The following JAK2 variants were observed in gnomAD, a reference collection of about 807,000 sequenced individuals.
JAK2 encodes the protein tyrosine-protein kinase JAK2.
Under a neutral mutation model 139.3 loss-of-function variants are expected in JAK2, and 86 were observed. The ratio of observed to expected loss-of-function variants is 0.62; its 90% CI spans 0.52 to 0.74. The LOEUF (loss-of-function observed/expected upper bound fraction) is 0.74. JAK2 is among the 30% of genes least tolerant of loss of function. The pLI is 0.00. For missense variants in JAK2, 1,421 were observed against 1,360.3 expected (o/e 1.04, Z -0.70); for synonymous variants, 490 against 437.7 (o/e 1.12, Z -1.49).
At chr9:5,098,706 T>C (rs1322209266) in intron 22 of JAK2, 1 of 152,046 alleles carries the variant, frequency 6.6e-6, no homozygotes, top group African/African-American at 2.4e-5. Flanking sequence ...CCTTTTTTTT[T>C]TTTTTGAGAC....
intron 20 of JAK2, 34 bp from the exon 21 acceptor site, chr9:5,090,412 G>C: frequency 2.7e-6 from 4 of 1,457,994 alleles, no homozygotes; most frequent in South Asian, 1.5e-5. Flanking sequence ...TAATATGGCA[G>C]AGTAAAACAT....
chr9:5,048,198 A>G (rs538087026), intron 5 of JAK2, among the ~76,000 whole-genome samples: 1 of 151,666 alleles, frequency 6.6e-6, no homozygotes, highest in African/African-American at 2.4e-5. Flanking sequence ...CTGGAGTGCA[A>G]TGGCGTGATC....
intron 5 of JAK2, among the ~76,000 whole-genome samples, chr9:5,046,402 A>G (rs1817012821): frequency 2.0e-5 from 3 of 152,122 alleles, no homozygotes; most frequent in Non-Finnish European, 4.4e-5. Context: ...CAAAAGTTTT[A>G]AATTTGGCTG....
intron 4 of JAK2, among the ~76,000 whole-genome samples, chr9:5,030,288 A>T (rs1823061155): frequency 6.6e-6 from 1 of 152,214 alleles, no homozygotes; most frequent in African/African-American, 2.4e-5. Flanking sequence ...ACTTTTTAAA[A>T]AGTTGACGTG....
chr9:5,105,789 C>T (rs1821905052), intron 22 of JAK2, among the ~76,000 whole-genome samples: 1 of 152,116 alleles, frequency 6.6e-6, no homozygotes, highest in African/African-American at 2.4e-5. Context: ...CTTTGACAAA[C>T]CTGACAAAAA....
intron 4 of JAK2, among the ~76,000 whole-genome samples, chr9:5,035,382 A>T (rs535280180): frequency 6.6e-6 from 1 of 152,356 alleles, no homozygotes; most frequent in African/African-American, 2.4e-5. Context: ...AACTCATTTT[A>T]TGAGGCCAGC....
rs10119726 is a variant in JAK2 at position 5,069,153 on chromosome 9, T to G, written c.1458T>G (p.Val486=). The change falls in exon 11 of 25, where the codon GTT becomes GTG. Residue 486 remains valine, a synonymous_variant. Coordinates refer to ENST00000381652, the MANE Select transcript of JAK2 (RefSeq NM_004972.4). ...DLLNCYQMET[V]RSDNIIFQFT... The stretch of plus-strand genomic sequence containing the variant: ...TGAATTGTTACCAGATGGAAACTGT[T>G]CGCTCAGACAATATAATTTTCCAGT... 4.8e-4 allele frequency: 775 copies of G among 1,613,138 alleles called. 1 individual carries two copies. The African/African-American group carries it at 9.2e-3, about 19-fold the overall frequency.
chr9:5,020,640 C>G (rs1822357094), intron 2 of JAK2, among the ~76,000 whole-genome samples: 1 of 152,120 alleles, frequency 6.6e-6, no homozygotes, highest in Admixed American at 6.5e-5. Context: ...TGCAAATTTG[C>G]ATTTTGACAC....
In JAK2 at chr9:5,094,916, C is replaced by T. The variant is rs112839099; in HGVS notation, c.3059+4005C>T. On this transcript the variant is annotated intron_variant, in intron 22 of 24. Coordinates refer to ENST00000381652, the MANE Select transcript of JAK2 (RefSeq NM_004972.4). Reference sequence around the variant, plus strand: ...CAGCATACCTCCAATTCCACTACAACCAACTCATATACCTTTTATGAAAAA... The same window carrying T: ...CAGCATACCTCCAATTCCACTACAATCAACTCATATACCTTTTATGAAAAA... 358 of 152,256 alleles carry T rather than the reference C, an allele frequency of 2.4e-3. 2 individuals are homozygous for T. Among genetic ancestry groups the T allele is most frequent in the African/African-American group, 8.0e-3 (331 of 41,538 alleles). The allele number at this position is 152,256 out of a possible 1,614,324, so 9.4% of individuals were successfully genotyped here.
intron 5 of JAK2, among the ~76,000 whole-genome samples, chr9:5,048,014 T>G (rs1586700577): frequency 1.3e-5 from 2 of 152,224 alleles, no homozygotes. Flanking sequence ...TTGTAACTTT[T>G]CTCTAGTGAA....
intron 2 of JAK2, among the ~76,000 whole-genome samples, chr9:5,006,398 A>G (rs1424567551): frequency 1.3e-5 from 2 of 151,950 alleles, no homozygotes; most frequent in East Asian, 1.9e-4. Context: ...GGGCTGAGAC[A>G]ATGGGGTTTT....
intron 22 of JAK2, among the ~76,000 whole-genome samples, chr9:5,118,917 T>G (rs907632388): frequency 1.3e-5 from 2 of 152,224 alleles, no homozygotes; most frequent in African/African-American, 4.8e-5. Context: ...GTTCATCTGT[T>G]TTCTCAATTT....
chr9:4,990,033 A>G (rs895900881), intron 2 of JAK2, among the ~76,000 whole-genome samples: 1 of 152,222 alleles, frequency 6.6e-6, no homozygotes, highest in East Asian at 1.9e-4. Context: ...AGAGAATGGT[A>G]GAAAGAGGTA....
intron 4 of JAK2, among the ~76,000 whole-genome samples, chr9:5,038,855 CA>C (rs1382328084): frequency 6.6e-6 from 1 of 151,904 alleles, no homozygotes. Flanking sequence ...GTGTAACTTC[CA>C]AAAATCAATC....
At chr9:5,119,411 T>C (rs1436048071) in intron 22 of JAK2, among the ~76,000 whole-genome samples, 1 of 152,018 alleles carries the variant, frequency 6.6e-6, no homozygotes, top group Non-Finnish European at 1.5e-5. Flanking sequence ...TTTTGTATTC[T>C]TTGTCATAAT....
At chr9:5,003,785 A>G (rs1821086329) in intron 2 of JAK2, among the ~76,000 whole-genome samples, 1 of 151,958 alleles carries the variant, frequency 6.6e-6, no homozygotes, top group African/African-American at 2.4e-5. Context: ...ACGTTTTTGA[A>G]CTCTAGAAGA....
At chr9:5,005,195 C>T (rs894895160) in intron 2 of JAK2, among the ~76,000 whole-genome samples, 1 of 140,268 alleles carries the variant, frequency 7.1e-6, no homozygotes, top group Non-Finnish European at 1.5e-5. Flanking sequence ...AGTAATCCTC[C>T]CACCTTGGCC....
chr9:5,038,065 C>G (rs1816198271), intron 4 of JAK2, among the ~76,000 whole-genome samples: 1 of 152,110 alleles, frequency 6.6e-6, no homozygotes, highest in South Asian at 2.1e-4. Context: ...ATTCTTATAA[C>G]TAGTGATGCT....
chr9:5,086,252 G>A (rs1820104172), intron 19 of JAK2: 1 of 537,282 alleles, frequency 1.9e-6, no homozygotes, highest in Non-Finnish European at 2.4e-6. Flanking sequence ...GTAGGATGGT[G>A]GCTCCGCCTC....
Sources: gnomAD v4.1 joint callset for allele counts (sites outside exome capture counted in the v4.1 genomes callset) on GRCh38, gnomAD v4.1.1 for gene constraint, MANE v1.5 for transcripts, NCBI Gene and HGNC (gene_info 2026-07-23, HGNC 2026-07-21) for gene names.